The following ADAMTSL3 variants were observed in gnomAD, a reference collection of about 807,000 sequenced individuals.
The protein encoded by ADAMTSL3 is ADAMTS-like protein 3.
Under a neutral mutation model 201.7 loss-of-function variants are expected in ADAMTSL3, and 128 were observed. The observed-to-expected ratio is 0.63, with a 90% CI of 0.55 to 0.73. The LOEUF is 0.73. Ranked by LOEUF, ADAMTSL3 falls within the 30% of genes least tolerant of loss-of-function variation. The pLI, the probability that ADAMTSL3 is intolerant of heterozygous loss-of-function variation, is 0.00. For synonymous variants in ADAMTSL3, 738 were observed against 748.4 expected, an observed-to-expected ratio of 0.99 and a Z score of 0.23; for missense variants, 1,990 against 2,119.6, an observed-to-expected ratio of 0.94 and a Z score of 1.20.
intron 6 of ADAMTSL3, among the ~76,000 whole-genome samples, chr15:83,836,219 A>G (rs1019103814): frequency 1.3e-5 from 2 of 152,200 alleles, no homozygotes; most frequent in Non-Finnish European, 1.5e-5. Context: ...TTTTCCACCA[A>G]GAGATCTCCT....
intron 15 of ADAMTSL3, among the ~76,000 whole-genome samples, chr15:83,911,913 G>A (rs2065942058): frequency 6.6e-6 from 1 of 152,266 alleles, no homozygotes; most frequent in African/African-American, 2.4e-5. Flanking sequence ...ATTCACTTAA[G>A]TTTATGAAAT....
intron 21 of ADAMTSL3, among the ~76,000 whole-genome samples, chr15:83,987,418 C>T (rs1409502064): frequency 6.6e-6 from 1 of 152,180 alleles, no homozygotes; most frequent in African/African-American, 2.4e-5. Flanking sequence ...AAAGTCTAAG[C>T]AGTGAGTATG....
chr15:83,742,310 C>T (rs966262284), intron 3 of ADAMTSL3, among the ~76,000 whole-genome samples: 5 of 152,050 alleles, frequency 3.3e-5, no homozygotes, highest in Admixed American at 6.5e-5. Flanking sequence ...AATTTTCAAA[C>T]AGCCTTATGT....
intron 2 of ADAMTSL3, among the ~76,000 whole-genome samples, chr15:83,679,760 C>A (rs1267563814): frequency 6.6e-6 from 1 of 152,156 alleles, no homozygotes; most frequent in Non-Finnish European, 1.5e-5. Context: ...GCCTCCCCAG[C>A]CCCCACTCTA....
Position 83,655,756 on chromosome 15 carries a change from G to A in ADAMTSL3, c.-6G>A, listed in dbSNP as rs751568822. 2 of 1,614,074 alleles carry A rather than the reference G, an allele frequency of 1.2e-6. No homozygotes were observed. The highest frequency in any genetic ancestry group is 2.2e-5 in the South Asian group (2 of 91,060). Reference sequence around the variant, plus strand: ...TACAACTGAGACCCGGAGGAGACTAGACCCCATGGCTTCCTGGACGAGCCC... The same window carrying A: ...TACAACTGAGACCCGGAGGAGACTAAACCCCATGGCTTCCTGGACGAGCCC... On this transcript the variant is annotated 5_prime_UTR_variant, in exon 2 of 30. Coordinates refer to ENST00000286744, the MANE Select transcript of ADAMTSL3 (RefSeq NM_207517.3).
chr15:83,825,533 C>T (rs759900268), intron 6 of ADAMTSL3, among the ~76,000 whole-genome samples: 30 of 152,138 alleles, frequency 2.0e-4, no homozygotes, highest in Non-Finnish European at 3.1e-4. Flanking sequence ...GGCAAGGATT[C>T]GCTTGAGTCC....
At chr15:84,000,786 A>G (rs1201046266) in intron 23 of ADAMTSL3, among the ~76,000 whole-genome samples, 1 of 152,234 alleles carries the variant, frequency 6.6e-6, no homozygotes, top group Admixed American at 6.5e-5. Flanking sequence ...GCACGGAAAC[A>G]TGAAAGCACC....
At chr15:83,819,769 T>C (rs2063829373) in intron 5 of ADAMTSL3, 42 bp from the exon 6 acceptor site, 2 of 1,506,432 alleles carry the variant, frequency 1.3e-6, no homozygotes, top group Non-Finnish European at 1.8e-6. Context: ...TTGGCCTCTC[T>C]CACTGGGTGA....
chr15:83,860,182 C>G (rs1317022447), intron 8 of ADAMTSL3, among the ~76,000 whole-genome samples: 1 of 152,074 alleles, frequency 6.6e-6, no homozygotes, highest in East Asian at 1.9e-4. Context: ...ATCTGCCACT[C>G]CAGCCTGAGT....
intron 19 of ADAMTSL3, among the ~76,000 whole-genome samples, chr15:83,947,446 C>A (rs377501227): frequency 6.6e-6 from 1 of 152,198 alleles, no homozygotes; most frequent in Non-Finnish European, 1.5e-5. Flanking sequence ...CAGAAAGGAG[C>A]CTTCAGTTCT....
chr15:84,019,076 T>TACACTCACACAC (rs1555472420), intron 25 of ADAMTSL3, among the ~76,000 whole-genome samples: 1 of 139,152 alleles, frequency 7.2e-6, no homozygotes, highest in Non-Finnish European at 1.5e-5. Flanking sequence ...CACACACACA[T>TACACTCACACAC]ACACACACAC....
chr15:83,989,084 A>G (rs973224146), intron 22 of ADAMTSL3, among the ~76,000 whole-genome samples: 9 of 151,840 alleles, frequency 5.9e-5, no homozygotes, highest in African/African-American at 1.9e-4. Context: ...GGGTTTCACC[A>G]TGTTAGCCAG....
intron 2 of ADAMTSL3, among the ~76,000 whole-genome samples, chr15:83,675,480 G>A (rs1567064687): frequency 6.6e-6 from 1 of 151,756 alleles, no homozygotes; most frequent in Non-Finnish European, 1.5e-5. Context: ...ACTCCACTTG[G>A]TCATGGCCTA....
chr15:83,823,958 CTTCTTCTTCTT>C lies in ADAMTSL3; in HGVS notation c.600+3912_600+3922del, dbSNP rs1567169882. On this transcript the variant is annotated intron_variant, in intron 6 of 29. Coordinates refer to ENST00000286744, the MANE Select transcript of ADAMTSL3 (RefSeq NM_207517.3). ...TCTTCTTCTTCTTCTTCTTCTTCTT[CTTCTTCTTCTT>C]CTTCTCCTCCTCCTCCTCCTCCTTC... Among the ~76,000 whole-genome samples the C allele has an allele frequency of 8.3e-4, 74 of 89,056 alleles. 2 individuals are homozygous for C. The highest frequency in any genetic ancestry group is 2.1e-3 in the African/African-American group (63 of 29,482). 58.4% of individuals were successfully genotyped at this position (89,056 alleles called of 152,430 possible). A position where few individuals can be genotyped will look rare whatever the true frequency, so the allele number is the denominator to read the frequency against.
At chr15:83,664,362 G>A (rs2141369251) in intron 2 of ADAMTSL3, among the ~76,000 whole-genome samples, 1 of 151,940 alleles carries the variant, frequency 6.6e-6, no homozygotes, top group South Asian at 2.1e-4. Context: ...ATGAGCTGCA[G>A]ACCAATATAT....
Position 84,025,328 on chromosome 15 carries a change from T to C in ADAMTSL3, c.4548T>C (p.Asn1516=). 6.2e-7 allele frequency: 1 copy of C among 1,614,118 alleles called. No individual in the cohort carries two copies. Among genetic ancestry groups the C allele is most frequent in the Non-Finnish European group, 8.5e-7 (1 of 1,180,006 alleles). ...TGACGTGCAAGCGGACAAAAGCCAATGGAACTGTGCAGGTGGTGTCTCCAA... is the reference window on the plus strand; with the variant it reads ...TGACGTGCAAGCGGACAAAAGCCAACGGAACTGTGCAGGTGGTGTCTCCAA... ...RQVTCKRTKA[N]GTVQVVSPRA... Residue 1516 remains asparagine (N), a synonymous_variant, in exon 27 of 30, where the codon AAT becomes AAC. Coordinates refer to ENST00000286744, the MANE Select transcript of ADAMTSL3 (RefSeq NM_207517.3).
At chr15:83,763,802 G>C (rs1286176556) in intron 3 of ADAMTSL3, among the ~76,000 whole-genome samples, 1 of 152,230 alleles carries the variant, frequency 6.6e-6, no homozygotes, top group East Asian at 1.9e-4. Flanking sequence ...ACCGCACCCG[G>C]CCTAAGAAAT....
intron 24 of ADAMTSL3, among the ~76,000 whole-genome samples, chr15:84,014,960 T>G (rs1335909009): frequency 6.6e-6 from 1 of 152,122 alleles, no homozygotes; most frequent in African/African-American, 2.4e-5. Flanking sequence ...GTGATTTTTT[T>G]TTTTTAAACG....
chr15:83,781,770 A>C (rs553907838), intron 4 of ADAMTSL3, among the ~76,000 whole-genome samples: 1 of 152,240 alleles, frequency 6.6e-6, no homozygotes, highest in Non-Finnish European at 1.5e-5. Context: ...GGCAAAGGAC[A>C]TGAACAGACA....
Sources: allele counts gnomAD v4.1 joint callset (sites outside exome capture counted in the v4.1 genomes callset), GRCh38; gene constraint gnomAD v4.1.1; transcripts MANE v1.5; gene names NCBI Gene and HGNC (gene_info 2026-07-23, HGNC 2026-07-21).